BDH1: variants seen among roughly 807,000 people sequenced by gnomAD.
BDH1 encodes the protein D-beta-hydroxybutyrate dehydrogenase, mitochondrial.
Under a neutral mutation model 33.1 loss-of-function variants are expected in BDH1, and 30 were observed. The ratio of observed to expected loss-of-function variants is 0.91; its 90% CI spans 0.68 to 1.23. The LOEUF (loss-of-function observed/expected upper bound fraction) is 1.23, where lower values mean the gene tolerates loss of function less well. Among genes scored for constraint, BDH1 ranks in the 50% most tolerant of loss-of-function variants. The pLI, the probability that BDH1 is intolerant of heterozygous loss-of-function variation, is 0.00. For missense variants in BDH1, 443 were observed against 464.4 expected (o/e 0.95, Z 0.42); for synonymous variants, 190 against 183.6 (o/e 1.03, Z -0.28).
upstream of BDH1, among the ~76,000 whole-genome samples, chr3:197,560,178 G>T (rs972122013): frequency 1.3e-5 from 2 of 152,180 alleles, no homozygotes; most frequent in Non-Finnish European, 2.9e-5. Context: ...CTCTAATTAG[G>T]AATAAATAGT....
intron 6 of BDH1, among the ~76,000 whole-genome samples, chr3:197,519,697 CT>C (rs1363174256): frequency 6.6e-6 from 1 of 152,010 alleles, no homozygotes; most frequent in Non-Finnish European, 1.5e-5. Context: ...TTAATGTTGA[CT>C]GACTGACTGG....
upstream of BDH1, among the ~76,000 whole-genome samples, chr3:197,559,412 C>T (rs1405841689): frequency 6.6e-6 from 1 of 152,186 alleles, no homozygotes; most frequent in African/African-American, 2.4e-5. Flanking sequence ...TCATTATTCT[C>T]CCCCTTTTTA....
At chr3:197,548,650 A>G (rs1716291099) in intron 2 of BDH1, among the ~76,000 whole-genome samples, 1 of 152,156 alleles carries the variant, frequency 6.6e-6, no homozygotes, top group Non-Finnish European at 1.5e-5. Flanking sequence ...CATGAGTTCG[A>G]GACCAGCCTG....
chr3:197,544,311 C>G (rs1426407808), intron 3 of BDH1, among the ~76,000 whole-genome samples: 1 of 152,222 alleles, frequency 6.6e-6, no homozygotes, highest in Non-Finnish European at 1.5e-5. Context: ...AGTTACTTCT[C>G]AGTCCATCCA....
intron 3 of BDH1, among the ~76,000 whole-genome samples, chr3:197,540,206 AC>A (rs1715487489): frequency 6.6e-6 from 1 of 151,752 alleles, no homozygotes; most frequent in Non-Finnish European, 1.5e-5. Context: ...GGCATGTTCC[AC>A]CACGCCCTGC....
At position 197,554,498 on chromosome 3, in the gene BDH1, AG is replaced by A. The variant is rs746497174; in HGVS notation, c.-44+63del. On this transcript the variant is annotated intron_variant, in intron 2 of 7. Coordinates refer to ENST00000392379, the MANE Select transcript of BDH1 (RefSeq NM_203314.3). The surrounding 1 kb of genome is among the most constrained non-coding windows in gnomAD (Gnocchi z 4.4). ...TCAAGGGTCAGCTTCCTTGGCGGCC[AG>A]GGATATATACGCCCTATGCAGAGCC... 6.6e-6 allele frequency: 1 copy of A among 152,282 alleles called. No individual in the cohort carries two copies. Among genetic ancestry groups the A allele is most frequent in the Non-Finnish European group, 1.5e-5 (1 of 68,066 alleles). The allele number at this position is 152,282 out of a possible 1,614,324, so 9.4% of individuals were successfully genotyped here.
intron 5 of BDH1, among the ~76,000 whole-genome samples, chr3:197,531,288 C>T (rs1175406634): frequency 4.6e-5 from 7 of 151,418 alleles, no homozygotes; most frequent in African/African-American, 7.3e-5. Flanking sequence ...CCCAGCTACT[C>T]GGGAGGCTGA....
At chr3:197,560,737 T>C (rs1717232752), upstream of BDH1, among the ~76,000 whole-genome samples, 3 of 152,174 alleles carry the variant, frequency 2.0e-5, no homozygotes, top group Admixed American at 1.3e-4. Context: ...CCCACATCAC[T>C]AAGCTAAAGG....
chr3:197,540,243 G>C (rs138238503), intron 3 of BDH1, among the ~76,000 whole-genome samples: 8,177 of 151,870 alleles, frequency 0.054, 316 homozygotes, highest in Middle Eastern at 0.088. Flanking sequence ...TGGTAGAGAT[G>C]AGGTTTCACC....
At position 197,543,193 on chromosome 3, in the gene BDH1, A is replaced by G. The variant is rs73085606; in HGVS notation, c.83+3168T>C. 2,858 of 985,180 alleles carry G rather than the reference A, an allele frequency of 2.9e-3. 61 individuals are homozygous for G. The African/African-American group carries it at 0.045, about 15-fold the overall frequency. The allele number at this position is 985,180 out of a possible 1,614,324, so 61.0% of individuals were successfully genotyped here. A position where few individuals can be genotyped will look rare whatever the true frequency, so the allele number is the denominator to read the frequency against. On this transcript the variant is annotated intron_variant, in intron 3 of 7. Transcript: ENST00000392379. ...ACAAGACGGGGCTTAGGAGGAACAC[A>G]TATCAGTGGCACAGGTGCAGCTCGG...
chr3:197,545,132 C>T (rs1715966224), intron 3 of BDH1, among the ~76,000 whole-genome samples: 1 of 152,060 alleles, frequency 6.6e-6, no homozygotes. Context: ...TTTCACTCCC[C>T]TCAAATTCAC....
rs1716878236 is a variant in BDH1 at position 197,554,866 on chromosome 3, G to T, written c.-195-153C>A. 6.6e-6 allele frequency among the ~76,000 whole-genome samples: 1 copy of T among 152,232 alleles called. No individual in the cohort carries two copies. The highest frequency in any genetic ancestry group is 1.5e-5 in the Non-Finnish European group (1 of 68,046). ...CCGACCGGAGCGCTCAAACCCACAG[G>T]GTATCTATCAGGCGCGCGTCAGCAC... On this transcript the variant is annotated intron_variant, in intron 1 of 7. Coordinates refer to ENST00000392379, the MANE Select transcript of BDH1 (RefSeq NM_203314.3). The surrounding 1 kb of genome is among the most constrained non-coding windows in gnomAD (Gnocchi z 4.4).
At position 197,525,956 on chromosome 3, in the gene BDH1, G is replaced by A. The variant is rs1020764070; in HGVS notation, c.268-3175C>T. 2.6e-5 allele frequency among the ~76,000 whole-genome samples: 4 copies of A among 152,190 alleles called. No individual in the cohort carries two copies. The highest frequency in any genetic ancestry group is 9.6e-5 in the African/African-American group (4 of 41,452). On this transcript the variant is annotated intron_variant, in intron 5 of 7. Coordinates refer to ENST00000392379, the MANE Select transcript of BDH1 (RefSeq NM_203314.3). This position sits in a 1 kb window ranked among gnomAD's most constrained non-coding sequence, Gnocchi z 4.9. ...AGTCTCTGTCCACCTCTGTCTGGCT[G>A]CTCAGGGACAAGCTTTTAGTTCCGC...
Position 197,520,145 on chromosome 3 carries a change from G to C in BDH1, c.409+2495C>G, listed in dbSNP as rs1455504415. ...GCCAAGGCAAGGCCAAGACATGGCA[G>C]AGTGGCAGAGTGTGGAGGGGAAGCA... On this transcript the variant is annotated intron_variant, in intron 6 of 7. Coordinates refer to ENST00000392379, the MANE Select transcript of BDH1 (RefSeq NM_203314.3). The surrounding 1 kb of genome is among the most constrained non-coding windows in gnomAD (Gnocchi z 6.0). 1.3e-5 allele frequency among the ~76,000 whole-genome samples: 2 copies of C among 152,182 alleles called. No homozygotes were observed. Among genetic ancestry groups the C allele is most frequent in the Non-Finnish European group, 2.9e-5 (2 of 68,032 alleles).
Position 197,524,871 on chromosome 3 carries a change from C to T in BDH1, c.268-2090G>A, listed in dbSNP as rs141452381. ...TCCGTTCCTGGACTGTCGTCTTCAC[C>T]GCCTGGTTTTCCATGGAAAGGAAGC... On this transcript the variant is annotated intron_variant, in intron 5 of 7. Transcript: ENST00000392379. 4.4e-3 allele frequency among the ~76,000 whole-genome samples: 674 copies of T among 152,246 alleles called. 6 individuals carry two copies. Among genetic ancestry groups the T allele is most frequent in the Non-Finnish European group, 7.1e-3 (484 of 68,004 alleles).
chr3:197,567,989 C>G (rs879822415), intron 1 of BDH1, among the ~76,000 whole-genome samples: 1 of 152,194 alleles, frequency 6.6e-6, no homozygotes, highest in African/African-American at 2.4e-5. Flanking sequence ...AGCTCACACT[C>G]TCCTCCAATA....
Position 197,520,392 on chromosome 3 carries a change from G to A in BDH1, c.409+2248C>T, listed in dbSNP as rs970581906. 1.4e-4 allele frequency among the ~76,000 whole-genome samples: 21 copies of A among 152,360 alleles called. No individual in the cohort carries two copies. The highest frequency in any genetic ancestry group is 3.4e-3 in the Middle Eastern group (1 of 294). Reference sequence around the variant, plus strand: ...AAAAGCAGCAGGGAAAGGTCTGCGCGTCAGGCTGGTGCTGGGGTTGGAGCC... The same window carrying A: ...AAAAGCAGCAGGGAAAGGTCTGCGCATCAGGCTGGTGCTGGGGTTGGAGCC... On this transcript the variant is annotated intron_variant, in intron 6 of 7. Transcript: ENST00000392379. The surrounding 1 kb of genome is among the most constrained non-coding windows in gnomAD (Gnocchi z 6.0).
intron 3 of BDH1, among the ~76,000 whole-genome samples, chr3:197,535,200 A>G (rs1176648853): frequency 6.6e-6 from 1 of 152,236 alleles, no homozygotes; most frequent in African/African-American, 2.4e-5. Flanking sequence ...CATTCGGACC[A>G]TAGCACCCTA....
chr3:197,515,591 C>T (rs1404775346), intron 6 of BDH1: 2 of 985,462 alleles, frequency 2.0e-6, no homozygotes, highest in Non-Finnish European at 2.4e-6. Flanking sequence ...ATGACTCCAT[C>T]CCTTCAGTTC....
Sources: allele counts gnomAD v4.1 joint callset (sites outside exome capture counted in the v4.1 genomes callset), GRCh38; gene constraint gnomAD v4.1.1; non-coding constraint Gnocchi (gnomAD v3.1); transcripts MANE v1.5; gene names NCBI Gene and HGNC (gene_info 2026-07-23, HGNC 2026-07-21).